KIFAP3: variants seen among roughly 807,000 people sequenced by gnomAD.
KIFAP3 encodes the protein kinesin associated protein 3, also known as kinesin-associated protein 3.
A neutral mutation model predicts 106.5 loss-of-function variants in KIFAP3; 68 were observed. The observed-to-expected ratio is 0.64, with a 90% CI of 0.53 to 0.78. The LOEUF is 0.78. KIFAP3 is among the 30% of genes least tolerant of loss of function. KIFAP3 has a pLI of 0.00. For synonymous variants in KIFAP3, 320 were observed against 311.5 expected (o/e 1.03, Z -0.29); for missense variants, 780 against 941.8 (o/e 0.83, Z 2.25).
chr1:170,019,478 C>A (rs1009472594), intron 9 of KIFAP3, among the ~76,000 whole-genome samples: 4 of 152,002 alleles, frequency 2.6e-5, no homozygotes, highest in African/African-American at 7.2e-5. Flanking sequence ...TATATCATGA[C>A]CAAGTAATGT....
chr1:169,988,399 TTAC>T (rs562453298), intron 11 of KIFAP3, among the ~76,000 whole-genome samples: 4 of 151,994 alleles, frequency 2.6e-5, no homozygotes, highest in South Asian at 2.1e-4. Flanking sequence ...TGAATATGAA[TTAC>T]TACTAAGCCA....
At chr1:169,978,736 C>A (rs1397136189) in intron 15 of KIFAP3, among the ~76,000 whole-genome samples, 5 of 151,922 alleles carry the variant, frequency 3.3e-5, no homozygotes, top group Non-Finnish European at 7.4e-5. Context: ...AGAAATCTAA[C>A]CTTAGGTAAT....
intron 19 of KIFAP3, among the ~76,000 whole-genome samples, chr1:169,942,206 T>C (rs987348593): frequency 3.3e-5 from 5 of 152,182 alleles, no homozygotes; most frequent in East Asian, 1.9e-4. Context: ...TACAAACTTA[T>C]GTTGAAACTA....
chr1:170,041,882 A>T (rs1669999382), intron 3 of KIFAP3: 2 of 1,364,100 alleles, frequency 1.5e-6, no homozygotes, highest in African/African-American at 2.9e-5. Flanking sequence ...CCCCAACTGG[A>T]AGGAGAATAA....
In KIFAP3 at chr1:170,036,469, G is replaced by A. The variant is rs576312242; in HGVS notation, c.518-916C>T. ...TTTAGCAAATTAAAAATCATCCTAT[G>A]ATAGCATTTCACAGTATTATTCACA... is the stretch of plus-strand genomic sequence containing the variant. On this transcript the variant is annotated intron_variant, in intron 5 of 19. Transcript: ENST00000361580. 9.2e-5 allele frequency among the ~76,000 whole-genome samples: 14 copies of A among 152,150 alleles called. No individual in the cohort carries two copies. In the South Asian group the frequency reaches 2.9e-3, roughly 31 times the overall value.
At chr1:169,969,413 A>C (rs1665792735) in intron 17 of KIFAP3, among the ~76,000 whole-genome samples, 1 of 152,056 alleles carries the variant, frequency 6.6e-6, no homozygotes, top group African/African-American at 2.4e-5. Context: ...GTGATGTAGA[A>C]GCTACATTTA....
intron 9 of KIFAP3, among the ~76,000 whole-genome samples, chr1:170,017,329 G>A (rs959265661): frequency 1.4e-5 from 2 of 145,798 alleles, no homozygotes; most frequent in African/African-American, 5.1e-5. Flanking sequence ...AAAACTGAAT[G>A]AATACAATGC....
At chr1:170,009,068 TGA>T (rs1404559700) in intron 10 of KIFAP3, among the ~76,000 whole-genome samples, 1 of 152,008 alleles carries the variant, frequency 6.6e-6, no homozygotes, top group Non-Finnish European at 1.5e-5. Context: ...AGGTGAACAC[TGA>T]GAACACATGG....
At chr1:169,967,552 C>G (rs555676514) in intron 17 of KIFAP3, among the ~76,000 whole-genome samples, 1 of 151,958 alleles carries the variant, frequency 6.6e-6, no homozygotes, top group Non-Finnish European at 1.5e-5. Context: ...GGCTCTGGTT[C>G]TAGCTCTGCT....
chr1:169,947,329 T>A (rs1338143027), intron 19 of KIFAP3, among the ~76,000 whole-genome samples: 1 of 151,926 alleles, frequency 6.6e-6, no homozygotes, highest in African/African-American at 2.4e-5. Flanking sequence ...GAGCAACTTT[T>A]AAAAGTAAAC....
chr1:169,975,833 C>G (rs1178066249), intron 16 of KIFAP3, among the ~76,000 whole-genome samples: 3 of 152,094 alleles, frequency 2.0e-5, no homozygotes, highest in Non-Finnish European at 4.4e-5. Context: ...TGATCTTTAT[C>G]CAATTTTAAG....
At position 170,018,525 on chromosome 1, in the gene KIFAP3, TTA is replaced by T. The variant is rs1013097805; in HGVS notation, c.1021-1903_1021-1902del. On this transcript the variant is annotated intron_variant, in intron 9 of 19. Coordinates refer to ENST00000361580, the MANE Select transcript of KIFAP3 (RefSeq NM_014970.4). ...GCAAAAAAAGAAATTTGAAAAAAATTTATGATTTTTCAATCAAAGGATTATTT... is the reference window on the plus strand; with the variant it reads ...GCAAAAAAAGAAATTTGAAAAAAATTTGATTTTTCAATCAAAGGATTATTT... Among the ~76,000 whole-genome samples the T allele has an allele frequency of 8.1e-4, 122 of 151,410 alleles. 1 individual carries two copies. The highest frequency in any genetic ancestry group is 2.8e-3 in the African/African-American group (116 of 41,366).
chr1:169,985,300 C>A (rs1331742036), intron 11 of KIFAP3, among the ~76,000 whole-genome samples: 1 of 151,696 alleles, frequency 6.6e-6, no homozygotes, highest in Non-Finnish European at 1.5e-5. Context: ...TATGGGGAAC[C>A]AGGTAGGATG....
chr1:169,953,513 T>C (rs556910159), intron 19 of KIFAP3, among the ~76,000 whole-genome samples: 1 of 152,132 alleles, frequency 6.6e-6, no homozygotes, highest in Admixed American at 6.5e-5. Flanking sequence ...GTTTTAGATC[T>C]GTGATCCCCA....
chr1:169,994,736 T>C (rs552946215), intron 10 of KIFAP3, among the ~76,000 whole-genome samples: 1 of 152,108 alleles, frequency 6.6e-6, no homozygotes, highest in South Asian at 2.1e-4. Context: ...TTCCCTATGG[T>C]ATTATTTATA....
Position 169,971,822 on chromosome 1 carries a change from T to C in KIFAP3, c.1983+691A>G, listed in dbSNP as rs542439211. On this transcript the variant is annotated intron_variant, in intron 17 of 19. Transcript: ENST00000361580. ...CAGTTAGAAAAAGAAAGCAACGTGG[T>C]TGTGCGTAGCAGTATATGCCATATA... 6.6e-5 allele frequency among the ~76,000 whole-genome samples: 10 copies of C among 152,136 alleles called. No homozygotes were observed. The East Asian group carries it at 1.9e-3, about 29-fold the overall frequency.
At chr1:170,039,166 T>C in intron 4 of KIFAP3, 67 bp downstream of exon 4, 1 of 866,182 alleles carries the variant, frequency 1.2e-6, no homozygotes, top group African/African-American at 1.7e-5. Context: ...TTGTGTGTAT[T>C]ATTGATGGAA....
chr1:169,942,491 C>A (rs1009073972), intron 19 of KIFAP3, among the ~76,000 whole-genome samples: 3 of 152,200 alleles, frequency 2.0e-5, no homozygotes, highest in African/African-American at 7.2e-5. Context: ...AGGAAGAAAG[C>A]CCAATAAAAT....
At chr1:170,060,950 C>T (rs971748747) in intron 1 of KIFAP3, among the ~76,000 whole-genome samples, 10 of 152,170 alleles carry the variant, frequency 6.6e-5, no homozygotes, top group East Asian at 1.9e-4. Context: ...GGAAAACTGG[C>T]TAGCCATATG....
Sources: gnomAD v4.1 joint callset for allele counts (sites outside exome capture counted in the v4.1 genomes callset) on GRCh38, gnomAD v4.1.1 for gene constraint, MANE v1.5 for transcripts, NCBI Gene and HGNC (gene_info 2026-07-23, HGNC 2026-07-21) for gene names.